DYM: variants seen among roughly 807,000 people sequenced by gnomAD.
DYM encodes the protein dymeclin.
Under a neutral mutation model 93.1 loss-of-function variants are expected in DYM, and 78 were observed. That is an observed-to-expected ratio of 0.84 (90% CI 0.70 to 1.01). The LOEUF (loss-of-function observed/expected upper bound fraction) is 1.01, where lower values mean the gene tolerates loss of function less well. Among genes scored for constraint, DYM ranks in the 50% least tolerant of loss-of-function variants. DYM has a pLI of 0.00. For missense variants in DYM, 789 were observed against 845.0 expected, an observed-to-expected ratio of 0.93 and a Z score of 0.82; for synonymous variants, 321 against 319.7, an observed-to-expected ratio of 1.00 and a Z score of -0.04.
At chr18:49,096,813 C>T (rs1303681451) in intron 17 of DYM, among the ~76,000 whole-genome samples, 1 of 152,214 alleles carries the variant, frequency 6.6e-6, no homozygotes, top group Admixed American at 6.5e-5. Flanking sequence ...CCCAGGCACA[C>T]AGTAAACAGT....
At chr18:49,454,099 T>C (rs905459177) in intron 1 of DYM, among the ~76,000 whole-genome samples, 1 of 152,142 alleles carries the variant, frequency 6.6e-6, no homozygotes, top group Non-Finnish European at 1.5e-5. Context: ...GACCCTTAGA[T>C]TGACCCCAGG....
intron 17 of DYM, among the ~76,000 whole-genome samples, chr18:49,051,029 C>T (rs1282119393): frequency 6.6e-6 from 1 of 152,160 alleles, no homozygotes; most frequent in African/African-American, 2.4e-5. Context: ...AAGAATAAGT[C>T]ACATGAAAAA....
At chr18:49,285,991 G>A (rs1241094400) in intron 9 of DYM, among the ~76,000 whole-genome samples, 1 of 152,032 alleles carries the variant, frequency 6.6e-6, no homozygotes, top group Non-Finnish European at 1.5e-5. Flanking sequence ...GAGACCATGT[G>A]ACTCCACAAA....
intron 16 of DYM, among the ~76,000 whole-genome samples, chr18:49,100,452 C>T (rs868399152): frequency 6.6e-6 from 1 of 151,974 alleles, no homozygotes; most frequent in Non-Finnish European, 1.5e-5. Context: ...GCGGCCTATA[C>T]TGGCTTTCCT....
At chr18:49,236,090 A>C (rs1028017137) in intron 13 of DYM, among the ~76,000 whole-genome samples, 11 of 152,332 alleles carry the variant, frequency 7.2e-5, no homozygotes, top group African/African-American at 2.6e-4. Context: ...ATAACTTAAA[A>C]ATTAAAACCT....
chr18:49,240,213 C>T (rs1262203105), intron 13 of DYM, among the ~76,000 whole-genome samples: 1 of 152,150 alleles, frequency 6.6e-6, no homozygotes, highest in East Asian at 1.9e-4. Context: ...GACATGCTCA[C>T]ATCCACTCTA....
intron 13 of DYM, among the ~76,000 whole-genome samples, chr18:49,255,598 A>T (rs560684721): frequency 6.6e-6 from 1 of 151,188 alleles, no homozygotes; most frequent in Non-Finnish European, 1.5e-5. Context: ...ACTTGAACCC[A>T]GGAGGTGGAG....
At chr18:49,213,961 G>A (rs2092914157) in intron 13 of DYM, among the ~76,000 whole-genome samples, 1 of 152,194 alleles carries the variant, frequency 6.6e-6, no homozygotes, top group Admixed American at 6.5e-5. Context: ...ATCCTTCACA[G>A]ATTCAAAATC....
chr18:49,214,802 T>C (rs576868877), intron 13 of DYM, among the ~76,000 whole-genome samples: 1 of 152,296 alleles, frequency 6.6e-6, no homozygotes, highest in East Asian at 1.9e-4. Context: ...AAAGGGATGA[T>C]ACTAATAAAC....
chr18:49,370,399 G>T (rs1024935613), intron 5 of DYM, among the ~76,000 whole-genome samples: 7 of 151,726 alleles, frequency 4.6e-5, no homozygotes, highest in African/African-American at 1.7e-4. Flanking sequence ...CCACTTTGTT[G>T]CTTTTATCTT....
At position 49,044,100 on chromosome 18, in the gene DYM, G is replaced by C; in HGVS notation, c.2130C>G (p.Tyr710Ter). 1.2e-6 allele frequency: 2 copies of C among 1,614,064 alleles called. No homozygotes were observed. The highest frequency in any genetic ancestry group is 1.7e-6 in the Non-Finnish European group (2 of 1,180,020). ...SLVYNSAVGL[Y>*]WNPQDIQLFT... The stretch of plus-strand genomic sequence containing the variant: ...ACAGCTGGATGTCCTGTGGATTCCA[G>C]TACAGGCCGACTGCTGAGTTGTAGA... Residue 710 changes from tyrosine (Y) to a stop codon, truncating the protein, a stop_gained, in exon 18 of 18, where the codon TAC becomes TAG. Transcript: ENST00000675505. LOFTEE classifies it high-confidence loss of function.
chr18:49,220,258 T>C (rs1236884356), intron 13 of DYM, among the ~76,000 whole-genome samples: 192 of 149,942 alleles, frequency 1.3e-3, no homozygotes, highest in Non-Finnish European at 2.4e-3. Flanking sequence ...TAAAAGAGGA[T>C]ACAAACAAAT....
At chr18:49,191,109 G>GC (rs1251743849) in intron 14 of DYM, among the ~76,000 whole-genome samples, 1 of 152,010 alleles carries the variant, frequency 6.6e-6, no homozygotes, top group African/African-American at 2.4e-5. Context: ...TTGGCATCTT[G>GC]CCCCACATCG....
chr18:49,379,249 C>CT (rs1308056796), intron 4 of DYM, among the ~76,000 whole-genome samples: 2 of 151,972 alleles, frequency 1.3e-5, no homozygotes, highest in Non-Finnish European at 2.9e-5. Flanking sequence ...TTGAAAAATG[C>CT]TTCAGTGCAT....
chr18:49,299,492 C>CAGTT (rs2060767556), intron 8 of DYM, among the ~76,000 whole-genome samples: 2 of 152,116 alleles, frequency 1.3e-5, no homozygotes, highest in African/African-American at 4.8e-5. Flanking sequence ...GTTCCTAAAA[C>CAGTT]AGTTCCTTTA....
chr18:49,372,898 CA>C (rs1444037538), intron 5 of DYM, among the ~76,000 whole-genome samples: 4 of 152,032 alleles, frequency 2.6e-5, no homozygotes, highest in Non-Finnish European at 5.9e-5. Context: ...ATGGCTCTTT[CA>C]GTGAGATAAC....
chr18:49,389,274 A>C (rs2068947994), intron 3 of DYM, among the ~76,000 whole-genome samples: 1 of 152,098 alleles, frequency 6.6e-6, no homozygotes, highest in Non-Finnish European at 1.5e-5. Flanking sequence ...TCCTGATACA[A>C]TGTCAAGTGA....
chr18:49,242,465 T>C (rs185280531), intron 13 of DYM, among the ~76,000 whole-genome samples: 1 of 152,196 alleles, frequency 6.6e-6, no homozygotes, highest in Admixed American at 6.5e-5. Flanking sequence ...ATTTCAACCA[T>C]CTTATAACTG....
At chr18:49,381,350 T>C (rs2147733025) in intron 3 of DYM, among the ~76,000 whole-genome samples, 1 of 152,338 alleles carries the variant, frequency 6.6e-6, no homozygotes, top group Middle Eastern at 3.4e-3. Context: ...ATACCTGCAT[T>C]GTGCTTACTA....
Sources: allele counts gnomAD v4.1 joint callset (sites outside exome capture counted in the v4.1 genomes callset), GRCh38; gene constraint gnomAD v4.1.1; transcripts MANE v1.5; gene names NCBI Gene and HGNC (gene_info 2026-07-23, HGNC 2026-07-21).